Variants in MALRD1 observed in about 807,000 individuals in gnomAD.
MALRD1 encodes the protein MAM and LDL receptor class A domain containing 1, also known as MAM and LDL-receptor class A domain-containing protein 1.
A neutral mutation model predicts 242.1 loss-of-function variants in MALRD1; 247 were observed. The ratio of observed to expected loss-of-function variants is 1.02; its 90% CI spans 0.92 to 1.13. MALRD1 has a LOEUF of 1.13. MALRD1 is among the 50% of genes most tolerant of loss of function. The pLI is 0.00. For missense variants in MALRD1, 2,989 were observed against 2,533.1 expected (o/e 1.18, Z -3.86); for synonymous variants, 995 against 866.6 (o/e 1.15, Z -2.60).
At chr10:19,460,569 A>G (rs1354009478) in intron 29 of MALRD1, among the ~76,000 whole-genome samples, 1 of 152,172 alleles carries the variant, frequency 6.6e-6, no homozygotes, top group Non-Finnish European at 1.5e-5. Context: ...ATCATAGGTA[A>G]TCTAGTTACC....
intron 32 of MALRD1, among the ~76,000 whole-genome samples, chr10:19,539,358 T>C (rs1390645397): frequency 6.6e-6 from 1 of 152,204 alleles, no homozygotes; most frequent in Non-Finnish European, 1.5e-5. Flanking sequence ...TTTTCTGCCT[T>C]TCAGAACTAG....
chr10:19,224,408 T>A (rs993234338), intron 18 of MALRD1, among the ~76,000 whole-genome samples: 3 of 151,754 alleles, frequency 2.0e-5, no homozygotes, highest in Non-Finnish European at 2.9e-5. Context: ...TGCCTTAGCC[T>A]CTTGAGTAGC....
At chr10:19,290,853 G>C (rs1841384385) in intron 21 of MALRD1, among the ~76,000 whole-genome samples, 1 of 152,090 alleles carries the variant, frequency 6.6e-6, no homozygotes, top group Non-Finnish European at 1.5e-5. Context: ...TGCAGGTCTT[G>C]TGTAATGATT....
chr10:19,259,290 T>C (rs1839647007), intron 19 of MALRD1, among the ~76,000 whole-genome samples: 1 of 152,158 alleles, frequency 6.6e-6, no homozygotes, highest in Admixed American at 6.6e-5. Flanking sequence ...TACAAAGGCC[T>C]CTTAGCTAAT....
Position 19,595,315 on chromosome 10 carries a change from T to C in MALRD1, c.5802T>C (p.Asp1934=), listed in dbSNP as rs1293755557. The C allele has an allele frequency of 2.6e-6, 4 of 1,550,732 alleles. No individual in the cohort carries two copies. The East Asian group carries it at 9.8e-5, about 38-fold the overall frequency. Residue 1934 remains aspartate, a synonymous_variant, in exon 34 of 40, where the codon GAT becomes GAC. Transcript: ENST00000454679. ...DGHEDCIDGS[D]EMDCPLSPTP... is the part of the protein sequence containing the mutation. ...ATGAAGACTGCATAGATGGATCTGA[T>C]GAAATGGATTGTCCTCTCAGCCCCA...
chr10:19,402,609 A>G (rs1454539355), intron 28 of MALRD1, among the ~76,000 whole-genome samples: 7 of 152,264 alleles, frequency 4.6e-5, no homozygotes, highest in Non-Finnish European at 1.0e-4. Context: ...TATTAGCAGC[A>G]TGAGAACAGA....
chr10:19,291,739 A>G (rs925700938), intron 21 of MALRD1, among the ~76,000 whole-genome samples: 1 of 151,990 alleles, frequency 6.6e-6, no homozygotes, highest in Non-Finnish European at 1.5e-5. Context: ...TAACTAATTT[A>G]AAAAAACAAA....
intron 36 of MALRD1, among the ~76,000 whole-genome samples, chr10:19,672,928 A>T (rs984627184): frequency 6.6e-6 from 1 of 152,208 alleles, no homozygotes; most frequent in African/African-American, 2.4e-5. Context: ...AGCTTATATA[A>T]CATGAGGATT....
intron 28 of MALRD1, among the ~76,000 whole-genome samples, chr10:19,397,592 A>G (rs1010793482): frequency 6.6e-6 from 1 of 152,152 alleles, no homozygotes; most frequent in Non-Finnish European, 1.5e-5. Context: ...TCCTTTGAAT[A>G]TATACCCAGT....
At chr10:19,102,333 T>C (rs2131331812) in intron 4 of MALRD1, among the ~76,000 whole-genome samples, 1 of 152,074 alleles carries the variant, frequency 6.6e-6, no homozygotes, top group African/African-American at 2.4e-5. Flanking sequence ...GGTTCTATTT[T>C]CTAAGTAGTT....
chr10:19,352,557 ATAAG>A (rs1844437095), intron 26 of MALRD1, among the ~76,000 whole-genome samples: 1 of 152,174 alleles, frequency 6.6e-6, no homozygotes, highest in African/African-American at 2.4e-5. Context: ...GATCAATAAA[ATAAG>A]AGAAGACTCC....
At chr10:19,333,648 T>C (rs2130929330) in intron 24 of MALRD1, among the ~76,000 whole-genome samples, 1 of 152,256 alleles carries the variant, frequency 6.6e-6, no homozygotes, top group South Asian at 2.1e-4. Context: ...TCTATTTTCC[T>C]TTGGTTATAT....
chr10:19,672,650 C>G (rs1274853121), intron 36 of MALRD1, among the ~76,000 whole-genome samples: 1 of 152,058 alleles, frequency 6.6e-6, no homozygotes, highest in African/African-American at 2.4e-5. Flanking sequence ...AGTCGAACTC[C>G]TGACCTCAGG....
intron 13 of MALRD1, among the ~76,000 whole-genome samples, chr10:19,167,194 C>CA (rs1834725189): frequency 6.6e-6 from 1 of 151,824 alleles, no homozygotes; most frequent in South Asian, 2.1e-4. Context: ...CCCACCTCTA[C>CA]AAAAAATACA....
chr10:19,271,697 AGGTT>A (rs1840251408), intron 19 of MALRD1, among the ~76,000 whole-genome samples: 2 of 151,738 alleles, frequency 1.3e-5, no homozygotes, highest in South Asian at 4.2e-4. Flanking sequence ...CGGGAGGTGG[AGGTT>A]GCAGTGAGCC....
At chr10:19,224,829 A>T (rs918814530) in intron 18 of MALRD1, among the ~76,000 whole-genome samples, 1 of 151,992 alleles carries the variant, frequency 6.6e-6, no homozygotes, top group Non-Finnish European at 1.5e-5. Flanking sequence ...TGCAGAAGCT[A>T]TCTTTAGTTT....
At chr10:19,117,942 G>A (rs1285007124) in intron 5 of MALRD1, among the ~76,000 whole-genome samples, 1 of 151,084 alleles carries the variant, frequency 6.6e-6, no homozygotes, top group East Asian at 1.9e-4. Context: ...TGTGATAGCG[G>A]TGAAAAAGCA....
chr10:19,109,579 C>T (rs940799223), intron 5 of MALRD1, among the ~76,000 whole-genome samples: 6 of 152,180 alleles, frequency 3.9e-5, no homozygotes, highest in African/African-American at 1.4e-4. Flanking sequence ...AATTTGAAGA[C>T]TGGAATGCCT....
intron 28 of MALRD1, among the ~76,000 whole-genome samples, chr10:19,425,470 C>T (rs1833870241): frequency 6.6e-6 from 1 of 151,958 alleles, no homozygotes; most frequent in Non-Finnish European, 1.5e-5. Flanking sequence ...ATACATGGAT[C>T]CATACCCACA....
Sources: gnomAD v4.1 joint callset for allele counts (sites outside exome capture counted in the v4.1 genomes callset) on GRCh38, gnomAD v4.1.1 for gene constraint, MANE v1.5 for transcripts, NCBI Gene and HGNC (gene_info 2026-07-23, HGNC 2026-07-21) for gene names.